The following MAP3K4 variants were observed in gnomAD, a reference collection of about 807,000 sequenced individuals.
The protein encoded by MAP3K4 is MAP three kinase 1.
MAP3K4 carries 67 observed loss-of-function variants against 185.6 expected under a neutral mutation model. That is an observed-to-expected ratio of 0.36 (90% CI 0.30 to 0.44). The LOEUF (loss-of-function observed/expected upper bound fraction) is 0.44, where lower values mean the gene tolerates loss of function less well. MAP3K4 is among the 20% of genes least tolerant of loss of function. The probability of loss-of-function intolerance (pLI) is 1.00; values close to 1 mark genes in which losing one functional copy is unlikely to be tolerated. For missense variants in MAP3K4, 1,551 were observed against 1,995.1 expected (o/e 0.78, Z 4.24); for synonymous variants, 702 against 710.4 (o/e 0.99, Z 0.19).
At chr6:161,026,347 G>T (rs1344417168) in intron 1 of MAP3K4, among the ~76,000 whole-genome samples, 1 of 151,914 alleles carries the variant, frequency 6.6e-6, no homozygotes, top group Non-Finnish European at 1.5e-5. Flanking sequence ...ATGTTAGCCA[G>T]GATGGTCTTG....
In MAP3K4 at chr6:161,086,784, C is replaced by T. The variant is rs1400475407; in HGVS notation, c.2556+117C>T. ...ATATTACAGGCTCTGAAGGCTGTAC[C>T]ACAACCCCAGTTGTAAGACTGTCCT... On this transcript the variant is annotated intron_variant, in intron 9 of 26. Coordinates refer to ENST00000392142, the MANE Select transcript of MAP3K4 (RefSeq NM_005922.4). The surrounding 1 kb of genome is among the most constrained non-coding windows in gnomAD (Gnocchi z 4.8). 7 of 716,792 alleles carry T rather than the reference C, an allele frequency of 9.8e-6. No individual in the cohort carries two copies. In the East Asian group the frequency reaches 1.9e-4, roughly 19 times the overall value. The allele number at this position is 716,792 out of a possible 1,614,324, so 44.4% of individuals were successfully genotyped here. A position where few individuals can be genotyped will look rare whatever the true frequency, so the allele number is the denominator to read the frequency against.
chr6:160,999,704 C>G (rs1246570227), intron 1 of MAP3K4, among the ~76,000 whole-genome samples: 1 of 152,168 alleles, frequency 6.6e-6, no homozygotes, highest in African/African-American at 2.4e-5. Context: ...CATGTGCTCC[C>G]CTGGTCAAGG....
rs1784612051 is a variant in MAP3K4 at position 161,064,406 on chromosome 6, T to C, written c.1708-6202T>C. Among the ~76,000 whole-genome samples, 1 of 152,130 alleles carries C rather than the reference T, an allele frequency of 6.6e-6. No individual in the cohort carries two copies. The highest frequency in any genetic ancestry group is 2.4e-5 in the African/African-American group (1 of 41,446). On this transcript the variant is annotated intron_variant, in intron 3 of 26. Transcript: ENST00000392142. The surrounding 1 kb of genome is among the most constrained non-coding windows in gnomAD (Gnocchi z 4.3). Reference sequence around the variant, plus strand: ...TCATTATTTTTCTGTTAATTGCTTATAACATACATTAGATAACCCATTATT... The same window carrying C: ...TCATTATTTTTCTGTTAATTGCTTACAACATACATTAGATAACCCATTATT...
intron 1 of MAP3K4, among the ~76,000 whole-genome samples, chr6:161,033,199 A>G (rs904782608): frequency 6.6e-6 from 1 of 152,034 alleles, no homozygotes; most frequent in African/African-American, 2.4e-5. Flanking sequence ...TATAATTTGG[A>G]GTTATGTTTA....
At position 161,103,731 on chromosome 6, in the gene MAP3K4, G is replaced by A. The variant is rs894695700; in HGVS notation, c.3856+952G>A. Among the ~76,000 whole-genome samples, 2 of 152,188 alleles carry A rather than the reference G, an allele frequency of 1.3e-5. No homozygotes were observed. The highest frequency in any genetic ancestry group is 3.9e-4 in the East Asian group (2 of 5,188). ...GTGGGAGGCTGGGGATGAGTAAGAC[G>A]CTGAGATAGTATAGTCTGCTAGCCA... On this transcript the variant is annotated intron_variant, in intron 19 of 26. Coordinates refer to ENST00000392142, the MANE Select transcript of MAP3K4 (RefSeq NM_005922.4). The surrounding 1 kb of genome is among the most constrained non-coding windows in gnomAD (Gnocchi z 4.6).
At chr6:161,021,531 T>A (rs1267417602) in intron 1 of MAP3K4, among the ~76,000 whole-genome samples, 1 of 152,226 alleles carries the variant, frequency 6.6e-6, no homozygotes. Context: ...AAATGCTCCT[T>A]CTTCAGAGAA....
rs768638447 is a variant in MAP3K4, at chr6:161,007,918, G to A, written c.152+15835G>A. On this transcript the variant is annotated intron_variant, in intron 1 of 26. Coordinates refer to ENST00000392142, the MANE Select transcript of MAP3K4 (RefSeq NM_005922.4). The surrounding 1 kb of genome is among the most constrained non-coding windows in gnomAD (Gnocchi z 4.5). ...TAGGGTACGGTGAAATATCAGAGAT[G>A]TTAAAATTAGGGAAAAACGTGTGTT... 6.6e-6 allele frequency among the ~76,000 whole-genome samples: 1 copy of A among 152,200 alleles called. No homozygotes were observed. The highest frequency in any genetic ancestry group is 2.4e-5 in the African/African-American group (1 of 41,450).
rs1784483681 is a variant in MAP3K4, at chr6:161,061,475, A to G, written c.1708-9133A>G. Among the ~76,000 whole-genome samples the G allele has an allele frequency of 6.6e-6, 1 of 152,222 alleles. No homozygotes were observed. The highest frequency in any genetic ancestry group is 6.5e-5 in the Admixed American group (1 of 15,292). On this transcript the variant is annotated intron_variant, in intron 3 of 26. Coordinates refer to ENST00000392142, the MANE Select transcript of MAP3K4 (RefSeq NM_005922.4). This position sits in a 1 kb window ranked among gnomAD's most constrained non-coding sequence, Gnocchi z 4.2. ...ATTGAGATATAATTCACTTAGCATA[A>G]AATTCACCATTTAAAGTGTTCAGTG...
In MAP3K4 at chr6:161,051,398, AAGCATTC is replaced by A. The variant is rs1783996213; in HGVS notation, c.1707+1421_1707+1427del. On this transcript the variant is annotated intron_variant, in intron 3 of 26. Transcript: ENST00000392142. This position sits in a 1 kb window ranked among gnomAD's most constrained non-coding sequence, Gnocchi z 4.2. ...TATGAGCCCTTAGGAGGAACGGGTT[AAGCATTC>A]ACATAAATTCAGGAAGATGTTTACA... 6.6e-6 allele frequency among the ~76,000 whole-genome samples: 1 copy of A among 152,232 alleles called. No homozygotes were observed. Among genetic ancestry groups the A allele is most frequent in the African/African-American group, 2.4e-5 (1 of 41,466 alleles).
In MAP3K4 at chr6:161,073,428, G is replaced by A. The variant is rs1583197147; in HGVS notation, c.1951-38G>A. 1 of 1,532,038 alleles carries A rather than the reference G, an allele frequency of 6.5e-7. No individual in the cohort carries two copies. Among genetic ancestry groups the A allele is most frequent in the East Asian group, 2.4e-5 (1 of 41,508 alleles). 94.9% of individuals were successfully genotyped at this position (1,532,038 alleles called of 1,614,324 possible). ...ATAAAACACGGATCGTCTGGTTGGA[G>A]TTTATGGCTGCTGGAACCTGTGTGT... On this transcript the variant is annotated intron_variant, in intron 4 of 26. Coordinates refer to ENST00000392142, the MANE Select transcript of MAP3K4 (RefSeq NM_005922.4). The surrounding 1 kb of genome is among the most constrained non-coding windows in gnomAD (Gnocchi z 4.2).
intron 3 of MAP3K4, among the ~76,000 whole-genome samples, chr6:161,069,292 GAGTATTTT>G (rs1784831534): frequency 2.0e-5 from 3 of 152,292 alleles, no homozygotes; most frequent in East Asian, 3.9e-4. Context: ...TCAGGGTTTA[GAGTATTTT>G]AGTGGCATGC....
chr6:161,044,690 G>A (rs1449112421), intron 2 of MAP3K4, among the ~76,000 whole-genome samples: 3 of 152,206 alleles, frequency 2.0e-5, no homozygotes, highest in Non-Finnish European at 4.4e-5. Context: ...ACTGGGTAAT[G>A]TGTAAAGAAA....
intron 5 of MAP3K4, among the ~76,000 whole-genome samples, chr6:161,078,976 G>A (rs907124150): frequency 2.0e-5 from 3 of 152,198 alleles, no homozygotes; most frequent in Non-Finnish European, 4.4e-5. Context: ...CACTTTGGGA[G>A]GCCGAGGCTG....
Position 161,067,680 on chromosome 6 carries a change from A to G in MAP3K4, c.1708-2928A>G, listed in dbSNP as rs1007514472. Among the ~76,000 whole-genome samples the G allele has an allele frequency of 2.0e-5, 3 of 152,222 alleles. No homozygotes were observed. Among genetic ancestry groups the G allele is most frequent in the Non-Finnish European group, 4.4e-5 (3 of 68,048 alleles). ...CAACTTTATATTTTAGTGGTTATAT[A>G]CTAACATTGTTTGATGTCAGGTTAT... On this transcript the variant is annotated intron_variant, in intron 3 of 26. Coordinates refer to ENST00000392142, the MANE Select transcript of MAP3K4 (RefSeq NM_005922.4). The surrounding 1 kb of genome is among the most constrained non-coding windows in gnomAD (Gnocchi z 6.3).
At chr6:161,078,862 G>C (rs1237308079) in intron 5 of MAP3K4, among the ~76,000 whole-genome samples, 2 of 152,190 alleles carry the variant, frequency 1.3e-5, no homozygotes, top group Non-Finnish European at 2.9e-5. Context: ...AAATCTTAAA[G>C]GGGTAGGGTC....
rs1778223864 is a variant in MAP3K4, at chr6:161,108,878, C to T, written c.4236+19C>T. On this transcript the variant is annotated intron_variant, in intron 22 of 26. Transcript: ENST00000392142. The surrounding 1 kb of genome is among the most constrained non-coding windows in gnomAD (Gnocchi z 5.7). Reference sequence around the variant, plus strand: ...CCATAGAGTAAGCCGACCCTAATGCCACTCTTTGTGTGAGGAATCAGTGAG... The same window carrying T: ...CCATAGAGTAAGCCGACCCTAATGCTACTCTTTGTGTGAGGAATCAGTGAG... The T allele has an allele frequency of 1.2e-6, 2 of 1,600,300 alleles. No individual in the cohort carries two copies. The highest frequency in any genetic ancestry group is 1.3e-5 in the African/African-American group (1 of 74,744).
Position 160,998,078 on chromosome 6 carries a change from C to T in MAP3K4, c.152+5995C>T, listed in dbSNP as rs528812029. ...AAGAGATGGCAGTCTCTGTATGTTA[C>T]CCAGGCTGGATTCAAACTTCTGGTC... On this transcript the variant is annotated intron_variant, in intron 1 of 26. Transcript: ENST00000392142. Among the ~76,000 whole-genome samples, 23 of 152,174 alleles carry T rather than the reference C, an allele frequency of 1.5e-4. No individual in the cohort carries two copies. In the South Asian group the frequency reaches 4.6e-3, roughly 30 times the overall value.
At chr6:161,038,113 T>C (rs1783267295) in intron 2 of MAP3K4, among the ~76,000 whole-genome samples, 1 of 152,158 alleles carries the variant, frequency 6.6e-6, no homozygotes, top group Non-Finnish European at 1.5e-5. Flanking sequence ...TGTTCTTTCC[T>C]TATTTCTCCT....
Position 161,091,633 on chromosome 6 carries a change from T to A in MAP3K4, c.3135+93T>A. On this transcript the variant is annotated intron_variant, in intron 12 of 26. Transcript: ENST00000392142. This position sits in a 1 kb window ranked among gnomAD's most constrained non-coding sequence, Gnocchi z 5.5. ...GGAACCTTTTACAGTAAATCTGATA[T>A]TGTAATCATAGCTTAATCAAGAATA... 9.3e-7 allele frequency: 1 copy of A among 1,071,424 alleles called. No homozygotes were observed. Among genetic ancestry groups the A allele is most frequent in the Non-Finnish European group, 1.4e-6 (1 of 726,108 alleles). 66.4% of individuals were successfully genotyped at this position (1,071,424 alleles called of 1,614,324 possible).
Sources: gnomAD v4.1 joint callset for allele counts (sites outside exome capture counted in the v4.1 genomes callset) on GRCh38, gnomAD v4.1.1 for gene constraint, Gnocchi (gnomAD v3.1) non-coding constraint, MANE v1.5 for transcripts, NCBI Gene and HGNC (gene_info 2026-07-23, HGNC 2026-07-21) for gene names.